The following ESRRG variants were observed in gnomAD, a reference collection of about 807,000 sequenced individuals.
ESRRG encodes the protein estrogen related receptor gamma.
Under a neutral mutation model 44.0 loss-of-function variants are expected in ESRRG, and 13 were observed. The observed-to-expected ratio is 0.30, with a 90% confidence interval of 0.19 to 0.47. The LOEUF (loss-of-function observed/expected upper bound fraction) is 0.47, where lower values mean the gene tolerates loss of function less well. Among genes scored for constraint, ESRRG ranks in the 20% least tolerant of loss-of-function variants. The pLI is 1.00. For missense variants in ESRRG, 395 were observed against 580.6 expected (o/e 0.68, Z 3.29); for synonymous variants, 215 against 214.6 (o/e 1.00, Z -0.02).
chr1:217,031,738 C>T (rs193074784), intron 1 of ESRRG, among the ~76,000 whole-genome samples: 11 of 152,126 alleles, frequency 7.2e-5, no homozygotes, highest in Admixed American at 1.3e-4. Flanking sequence ...GCCATTCTCA[C>T]GATGATAAGT....
At chr1:216,980,300 T>C (rs1271472524) in intron 1 of ESRRG, among the ~76,000 whole-genome samples, 1 of 152,160 alleles carries the variant, frequency 6.6e-6, no homozygotes, top group African/African-American at 2.4e-5. Flanking sequence ...TTGTATAAGT[T>C]TGAGTCATGT....
At chr1:216,895,610 A>T (rs996463413) in intron 2 of ESRRG, among the ~76,000 whole-genome samples, 1 of 152,192 alleles carries the variant, frequency 6.6e-6, no homozygotes, top group Non-Finnish European at 1.5e-5. Flanking sequence ...ATGTCCAAAT[A>T]TTATTCACAA....
At chr1:217,096,877 T>C (rs830308) in intron 1 of ESRRG, among the ~76,000 whole-genome samples, 55,468 of 152,068 alleles carry the variant, frequency 0.36, 11,840 homozygotes, top group East Asian at 0.57. Context: ...GAATAAACAA[T>C]GATCAAGGAG....
intron 1 of ESRRG, among the ~76,000 whole-genome samples, chr1:216,965,659 G>A (rs757997126): frequency 6.6e-6 from 1 of 152,158 alleles, no homozygotes; most frequent in Non-Finnish European, 1.5e-5. Context: ...ACATTCCTAG[G>A]CCTGGGGGGA....
intron 2 of ESRRG, among the ~76,000 whole-genome samples, chr1:216,815,127 C>G (rs922383312): frequency 6.6e-6 from 1 of 152,146 alleles, no homozygotes; most frequent in Admixed American, 6.6e-5. Context: ...GCCAAGTGGT[C>G]TTAGGTGAGC....
At chr1:216,722,642 T>C (rs1156939637) in intron 1 of ESRRG, among the ~76,000 whole-genome samples, 1 of 152,206 alleles carries the variant, frequency 6.6e-6, no homozygotes, top group African/African-American at 2.4e-5. Flanking sequence ...AAATCTCATG[T>C]TACTTAATGG....
chr1:216,858,824 T>C (rs2096000547), intron 2 of ESRRG, among the ~76,000 whole-genome samples: 1 of 152,120 alleles, frequency 6.6e-6, no homozygotes, highest in African/African-American at 2.4e-5. Context: ...TGACTTTCCA[T>C]GGTAAGCATC....
chr1:216,972,785 T>A (rs567709554), intron 1 of ESRRG, among the ~76,000 whole-genome samples: 17 of 152,282 alleles, frequency 1.1e-4, no homozygotes, highest in African/African-American at 3.8e-4. Context: ...ACTACATAAG[T>A]GCAACAAGAA....
chr1:216,857,876 G>A (rs2095978160), intron 2 of ESRRG, among the ~76,000 whole-genome samples: 1 of 151,908 alleles, frequency 6.6e-6, no homozygotes, highest in South Asian at 2.1e-4. Flanking sequence ...CACTAATTTT[G>A]TTAAAAAACT....
At chr1:217,085,481 A>ATT (rs148354268) in intron 1 of ESRRG, among the ~76,000 whole-genome samples, 12 of 49,130 alleles carry the variant, frequency 2.4e-4, no homozygotes, top group African/African-American at 9.2e-4. Flanking sequence ...TTTTCTTTTC[A>ATT]TTTTTTTTTT....
intron 2 of ESRRG, among the ~76,000 whole-genome samples, chr1:216,768,452 A>ATCTATCTATCTATCTG (rs1553592921): frequency 1.3e-5 from 1 of 78,632 alleles, no homozygotes; most frequent in Non-Finnish European, 3.0e-5. Flanking sequence ...ATCTATCATT[A>ATCTATCTATCTATCTG]TCTATCTATC....
At chr1:216,554,219 T>C (rs971942759) in intron 5 of ESRRG, among the ~76,000 whole-genome samples, 1 of 151,972 alleles carries the variant, frequency 6.6e-6, no homozygotes, top group Non-Finnish European at 1.5e-5. Context: ...TTTGGAAGGC[T>C]GGGGTGGGTG....
chr1:216,658,356 T>G (rs1011673087), intron 2 of ESRRG, among the ~76,000 whole-genome samples: 1 of 152,152 alleles, frequency 6.6e-6, no homozygotes, highest in African/African-American at 2.4e-5. Context: ...TTTGTAAACA[T>G]GGGCATTCCT....
rs565917747 is a variant in ESRRG, at chr1:216,935,239, A to C, written c.-14+4343T>G. Among the ~76,000 whole-genome samples the C allele has an allele frequency of 4.6e-5, 7 of 152,130 alleles. No homozygotes were observed. In the East Asian group the frequency reaches 1.4e-3, roughly 30 times the overall value. On this transcript the variant is annotated intron_variant, in intron 2 of 7. Transcript: ENST00000359162. ...CTACCTGGAAACAGCATCAGATCCC[A>C]CAGGTTAGGGGCTCAGTCCCACAAG...
chr1:216,561,270 A>T (rs1318487578), intron 5 of ESRRG, among the ~76,000 whole-genome samples: 1 of 152,180 alleles, frequency 6.6e-6, no homozygotes, highest in East Asian at 1.9e-4. Flanking sequence ...TGCTAAACTT[A>T]ATTTTAAAAA....
intron 3 of ESRRG, among the ~76,000 whole-genome samples, chr1:216,618,551 T>A (rs892198578): frequency 9.2e-5 from 14 of 152,236 alleles, no homozygotes; most frequent in Non-Finnish European, 1.8e-4. Context: ...CAGACATCCG[T>A]ATGTATACAT....
chr1:216,612,072 G>C (rs1418860300), intron 3 of ESRRG, among the ~76,000 whole-genome samples: 3 of 152,130 alleles, frequency 2.0e-5, no homozygotes, highest in Non-Finnish European at 1.5e-5. Flanking sequence ...AAAAAAGACA[G>C]GTCAGGCACA....
chr1:216,524,885 C>T (rs2047162299), intron 5 of ESRRG, among the ~76,000 whole-genome samples: 4 of 152,118 alleles, frequency 2.6e-5, no homozygotes, highest in African/African-American at 9.7e-5. Flanking sequence ...GAGAGGAGAA[C>T]AGAAACGCAA....
intron 2 of ESRRG, among the ~76,000 whole-genome samples, chr1:216,788,522 T>G (rs1171152087): frequency 6.6e-6 from 1 of 152,132 alleles, no homozygotes; most frequent in East Asian, 1.9e-4. Context: ...TACTGCCAAT[T>G]GACTATGTAC....
Sources: gnomAD v4.1 joint callset for allele counts (sites outside exome capture counted in the v4.1 genomes callset) on GRCh38, gnomAD v4.1.1 for gene constraint, MANE v1.5 for transcripts, NCBI Gene and HGNC (gene_info 2026-07-23, HGNC 2026-07-21) for gene names.